STX12: variants seen among roughly 807,000 people sequenced by gnomAD.
STX12 encodes syntaxin 12, also known as syntaxin-12.
STX12 carries 17 observed loss-of-function variants against 42.2 expected under a neutral mutation model. The observed-to-expected ratio is 0.40, with a 90% CI of 0.28 to 0.60. The LOEUF (loss-of-function observed/expected upper bound fraction) is 0.60. STX12 is among the 20% of genes least tolerant of loss of function. STX12 has a pLI of 0.39. For synonymous variants in STX12, 108 were observed against 116.7 expected, an observed-to-expected ratio of 0.93 and a Z score of 0.48; for missense variants, 297 against 330.9, an observed-to-expected ratio of 0.90 and a Z score of 0.79.
chr1:27,818,907 G>A (rs896206046), intron 7 of STX12, among the ~76,000 whole-genome samples: 3 of 151,914 alleles, frequency 2.0e-5, no homozygotes, highest in Non-Finnish European at 4.4e-5. Flanking sequence ...GATTACAGGC[G>A]TGAGCCACCA....
intron 1 of STX12, among the ~76,000 whole-genome samples, chr1:27,786,572 G>A (rs2088700318): frequency 6.6e-6 from 1 of 151,786 alleles, no homozygotes; most frequent in Admixed American, 6.6e-5. Flanking sequence ...TATGTTTATT[G>A]TCTATCTCTT....
intron 1 of STX12, among the ~76,000 whole-genome samples, chr1:27,786,527 A>G (rs2088700114): frequency 6.6e-6 from 1 of 152,166 alleles, no homozygotes; most frequent in East Asian, 1.9e-4. Flanking sequence ...TTTTACCTGA[A>G]TTTATTTCTC....
At chr1:27,811,055 C>G (rs1355620993) in intron 5 of STX12, among the ~76,000 whole-genome samples, 1 of 152,008 alleles carries the variant, frequency 6.6e-6, no homozygotes, top group Non-Finnish European at 1.5e-5. Flanking sequence ...CATGGTGGCT[C>G]AAGCCTGTAA....
intron 3 of STX12, among the ~76,000 whole-genome samples, chr1:27,796,233 T>C (rs2088784819): frequency 6.6e-6 from 1 of 152,218 alleles, no homozygotes; most frequent in African/African-American, 2.4e-5. Context: ...GTCTTTCTAC[T>C]CTTTTCTCAT....
intron 4 of STX12, among the ~76,000 whole-genome samples, chr1:27,804,957 A>G (rs927577310): frequency 9.2e-5 from 14 of 152,160 alleles, no homozygotes; most frequent in African/African-American, 2.9e-4. Context: ...CAGTCATGGT[A>G]GAAGACACCT....
At chr1:27,791,485 T>C (rs992356585) in intron 2 of STX12, among the ~76,000 whole-genome samples, 5 of 152,060 alleles carry the variant, frequency 3.3e-5, no homozygotes, top group Non-Finnish European at 7.4e-5. Flanking sequence ...CCTTTTCTGC[T>C]CCATTTCTGC....
intron 3 of STX12, among the ~76,000 whole-genome samples, chr1:27,801,021 A>C (rs1013720165): frequency 6.6e-6 from 1 of 152,252 alleles, no homozygotes; most frequent in Non-Finnish European, 1.5e-5. Context: ...TTTGGATTCA[A>C]CTGGAGTCCA....
intron 3 of STX12, among the ~76,000 whole-genome samples, chr1:27,799,474 C>CT (rs1557803049): frequency 7.8e-6 from 1 of 128,680 alleles, no homozygotes; most frequent in African/African-American, 4.7e-5. Context: ...AACTCATTAG[C>CT]TTGTTTTTTT....
rs549729535 is a variant in STX12 at position 27,799,631 on chromosome 1, A to G, written c.289-2047A>G. 2.0e-5 allele frequency among the ~76,000 whole-genome samples: 3 copies of G among 149,950 alleles called. No individual in the cohort carries two copies. In the East Asian group the frequency reaches 5.9e-4, roughly 30 times the overall value. On this transcript the variant is annotated intron_variant, in intron 3 of 8. Transcript: ENST00000373943. ...CCAAGTGGCAAAGGACTACAGGCGC[A>G]CGCCACCACGCCTGGCTAATTTTTT...
chr1:27,811,368 G>A (rs965173654), intron 5 of STX12, among the ~76,000 whole-genome samples: 3 of 151,460 alleles, frequency 2.0e-5, no homozygotes, highest in Non-Finnish European at 4.4e-5. Context: ...ACTTTGGCAG[G>A]TTGAGGCAGG....
rs148273109 is a variant in STX12, at chr1:27,799,046, C to T, written c.289-2632C>T. Among the ~76,000 whole-genome samples, 509 of 151,942 alleles carry T rather than the reference C, an allele frequency of 3.3e-3. 4 individuals carry two copies. Among genetic ancestry groups the T allele is most frequent in the African/African-American group, 0.012 (477 of 41,424 alleles). ...TAAAAGTTATGATAATATTTTTGCA[C>T]GGTAAGGTTAGGGAATGATGTCCTC... On this transcript the variant is annotated intron_variant, in intron 3 of 8. Transcript: ENST00000373943.
intron 4 of STX12, 115 bp downstream of exon 4, chr1:27,801,930 A>C (rs749328579): frequency 4.6e-5 from 62 of 1,341,434 alleles, no homozygotes; most frequent in Non-Finnish European, 5.9e-5. Flanking sequence ...TGCTGTGAAA[A>C]TGGCAGGTTG....
chr1:27,773,539 T>C, intron 1 of STX12, 114 bp downstream of exon 1: 1 of 919,548 alleles, frequency 1.1e-6, no homozygotes, highest in Non-Finnish European at 1.7e-6. Context: ...CCTGGGGCTG[T>C]CTCGGGCTGT....
chr1:27,780,623 T>C (rs1175179170), intron 1 of STX12, among the ~76,000 whole-genome samples: 1 of 152,142 alleles, frequency 6.6e-6, no homozygotes, highest in Non-Finnish European at 1.5e-5. Context: ...CTGCCGTGTG[T>C]AACCCCATTT....
intron 1 of STX12, chr1:27,773,895 A>G (rs576041631): frequency 1.5e-4 from 25 of 161,772 alleles, no homozygotes; most frequent in Admixed American, 2.9e-4. Context: ...GAAATCAGCA[A>G]CTTTCAATTA....
chr1:27,805,397 GA>G (rs1024474970), intron 4 of STX12, among the ~76,000 whole-genome samples: 1 of 151,728 alleles, frequency 6.6e-6, no homozygotes, highest in Non-Finnish European at 1.5e-5. Flanking sequence ...GTGTTTCCAA[GA>G]AAAAAAATTA....
At position 27,801,786 on chromosome 1, in the gene STX12, G is replaced by A. The variant is rs774893932; in HGVS notation, c.397G>A (p.Ala133Thr). 1 of 1,588,584 alleles carries A rather than the reference G, an allele frequency of 6.3e-7. No homozygotes were observed. The highest frequency in any genetic ancestry group is 2.3e-5 in the East Asian group (1 of 42,768). ...RVSEKEKESI[A>T]RARAGSRLSA... is the part of the protein sequence containing the mutation. ...ATCTGAAAAGGAAAAGGAGAGTATTGCCAGAGCAAGAGCTGGATCTCGTCT... is the reference window on the plus strand; with the variant it reads ...ATCTGAAAAGGAAAAGGAGAGTATTACCAGAGCAAGAGCTGGATCTCGTCT... The change falls in exon 4 of 9, where the codon GCC becomes ACC. Residue 133 changes from alanine (A) to threonine (T), a missense_variant. Physicochemically the swap from Ala to Thr is moderately conservative, Grantham distance 58. Transcript: ENST00000373943.
At chr1:27,806,689 A>G (rs1158033283) in intron 4 of STX12, among the ~76,000 whole-genome samples, 1 of 152,150 alleles carries the variant, frequency 6.6e-6, no homozygotes, top group Non-Finnish European at 1.5e-5. Flanking sequence ...GTATTAGTCC[A>G]TTTTCACACT....
chr1:27,777,554 A>G (rs565498698), intron 1 of STX12, among the ~76,000 whole-genome samples: 1 of 152,276 alleles, frequency 6.6e-6, no homozygotes, highest in African/African-American at 2.4e-5. Flanking sequence ...TGTACTGTGT[A>G]GTACATACCA....
Sources: gnomAD v4.1 joint callset for allele counts (sites outside exome capture counted in the v4.1 genomes callset) on GRCh38, gnomAD v4.1.1 for gene constraint, MANE v1.5 for transcripts, NCBI Gene and HGNC (gene_info 2026-07-23, HGNC 2026-07-21) for gene names.